SLC38A10: variants seen among roughly 807,000 people sequenced by gnomAD.
SLC38A10 encodes Sodium-coupled neutral amino acid transporter 10.
SLC38A10 carries 53 observed loss-of-function variants against 81.0 expected under a neutral mutation model. The observed-to-expected ratio is 0.65, with a 90% confidence interval of 0.53 to 0.82. The LOEUF is 0.82. Among genes scored for constraint, SLC38A10 ranks in the 40% least tolerant of loss-of-function variants. SLC38A10 has a pLI of 0.00. For missense variants in SLC38A10, 1,471 were observed against 1,545.0 expected, an observed-to-expected ratio of 0.95 and a Z score of 0.80; for synonymous variants, 665 against 655.3, an observed-to-expected ratio of 1.01 and a Z score of -0.23.
At chr17:81,259,762 G>A (rs1275063971) in intron 11 of SLC38A10, among the ~76,000 whole-genome samples, 5 of 152,214 alleles carry the variant, frequency 3.3e-5, no homozygotes, top group African/African-American at 1.2e-4. Flanking sequence ...GAAGCGGCCT[G>A]CAGCTAGCTG....
At chr17:81,271,235 T>C (rs998152730) in intron 9 of SLC38A10, among the ~76,000 whole-genome samples, 2 of 152,190 alleles carry the variant, frequency 1.3e-5, no homozygotes, top group African/African-American at 2.4e-5. Flanking sequence ...CGGGGTGAAT[T>C]CTCTGATGGT....
At chr17:81,290,940 A>G (rs1411884309) in intron 1 of SLC38A10, among the ~76,000 whole-genome samples, 2 of 152,014 alleles carry the variant, frequency 1.3e-5, no homozygotes, top group African/African-American at 2.4e-5. Flanking sequence ...AGGGAGTCAG[A>G]GGTTGCAGTT....
At chr17:81,250,740 G>T in intron 14 of SLC38A10, 1 of 820,170 alleles carries the variant, frequency 1.2e-6, no homozygotes, top group Non-Finnish European at 1.5e-6. Context: ...TGGACCCCTA[G>T]CCTGGGAGAG....
At position 81,253,230 on chromosome 17, in the gene SLC38A10, C is replaced by G. The variant is rs143433253; in HGVS notation, c.1299G>C (p.Pro433=). The G allele has an allele frequency of 1.9e-6, 3 of 1,613,658 alleles. No individual in the cohort carries two copies. Among genetic ancestry groups the G allele is most frequent in the Non-Finnish European group, 2.5e-6 (3 of 1,180,026 alleles). Residue 433 remains proline, a synonymous_variant, in exon 12 of 16, where the codon CCG becomes CCC. Coordinates refer to ENST00000374759, the MANE Select transcript of SLC38A10 (RefSeq NM_001037984.3). This position sits in a 1 kb window ranked among gnomAD's most constrained non-coding sequence, Gnocchi z 4.1. The part of the protein sequence containing the change: ...VEAARLSAQD[P]VVAVAEDGRE... ...GGCCATCCTCAGCCACGGCCACAAC[C>G]GGATCCTGGGCTGGGAGCAGGGCAC...
At position 81,283,852 on chromosome 17, in the gene SLC38A10, C is replaced by T. The variant is rs1354575157; in HGVS notation, c.264-350G>A. Among the ~76,000 whole-genome samples the T allele has an allele frequency of 2.6e-5, 4 of 151,416 alleles. No homozygotes were observed. Among genetic ancestry groups the T allele is most frequent in the Non-Finnish European group, 4.4e-5 (3 of 67,844 alleles). The stretch of plus-strand genomic sequence containing the variant: ...TCTCGATCTCCTGACCTCTGTGATC[C>T]GCCTGCCTCAGCCTCCCAAAGTGCT... On this transcript the variant is annotated intron_variant, in intron 3 of 15. Transcript: ENST00000374759. This position sits in a 1 kb window ranked among gnomAD's most constrained non-coding sequence, Gnocchi z 4.7.
chr17:81,252,079 G>T, intron 13 of SLC38A10, 116 bp downstream of exon 13: 1 of 1,399,206 alleles, frequency 7.1e-7, no homozygotes, highest in Non-Finnish European at 9.5e-7. Flanking sequence ...ATGCTAATCT[G>T]GTGCAGGGAG....
At chr17:81,266,138 C>T (rs1248829872) in intron 10 of SLC38A10, among the ~76,000 whole-genome samples, 1 of 152,206 alleles carries the variant, frequency 6.6e-6, no homozygotes, top group Admixed American at 6.5e-5. Flanking sequence ...GCCGTGGCCA[C>T]AGGTGTGTGA....
At chr17:81,290,963 C>T (rs759090645) in intron 1 of SLC38A10, among the ~76,000 whole-genome samples, 12 of 151,774 alleles carry the variant, frequency 7.9e-5, no homozygotes, top group African/African-American at 1.5e-4. Flanking sequence ...GCCGAGATTG[C>T]GCCACTGCAC....
In SLC38A10 at chr17:81,275,956, C is replaced by T. The variant is rs2063157265; in HGVS notation, c.912+13G>A. On this transcript the variant is annotated intron_variant, in intron 8 of 15. Transcript: ENST00000374759. ...GTGCTATTACGATCCGGAGAGTGCCCCGAGGGTCTTACCTGCTGCTCACAC... is the reference window on the plus strand; with the variant it reads ...GTGCTATTACGATCCGGAGAGTGCCTCGAGGGTCTTACCTGCTGCTCACAC... The T allele has an allele frequency of 1.2e-6, 2 of 1,610,322 alleles. No homozygotes were observed. Among genetic ancestry groups the T allele is most frequent in the Non-Finnish European group, 1.7e-6 (2 of 1,177,792 alleles).
chr17:81,290,989 G>A lies in SLC38A10; in HGVS notation c.100-1181C>T, dbSNP rs563321642. On this transcript the variant is annotated intron_variant, in intron 1 of 15. Coordinates refer to ENST00000374759, the MANE Select transcript of SLC38A10 (RefSeq NM_001037984.3). ...GCCACTGCACTCCAGCCTGGCGACC[G>A]AGCAAGACTCCGCCTCGAGAAAATA... is the stretch of plus-strand genomic sequence containing the variant. Among the ~76,000 whole-genome samples the A allele has an allele frequency of 6.6e-5, 10 of 151,866 alleles. No homozygotes were observed. In the South Asian group the frequency reaches 8.3e-4, roughly 13 times the overall value.
At chr17:81,263,010 G>A (rs2063036826) in intron 10 of SLC38A10, 2 of 152,250 alleles carry the variant, frequency 1.3e-5, no homozygotes, top group Admixed American at 1.3e-4. Flanking sequence ...GACGAGCCTT[G>A]GAAAGGACAC....
At chr17:81,280,418 G>A (rs1209480917) in intron 6 of SLC38A10, among the ~76,000 whole-genome samples, 191 bp downstream of exon 6, 3 of 152,284 alleles carry the variant, frequency 2.0e-5, no homozygotes, top group Admixed American at 6.5e-5. Flanking sequence ...GAATGAAGCC[G>A]ATTTACCTCC....
chr17:81,275,603 G>A (rs1364289751), intron 8 of SLC38A10, among the ~76,000 whole-genome samples: 8 of 150,470 alleles, frequency 5.3e-5, no homozygotes, highest in Non-Finnish European at 8.9e-5. Context: ...ATGGTGGCGC[G>A]CGCCTGTAGT....
intron 2 of SLC38A10, chr17:81,285,101 G>A (rs2063251769): frequency 8.8e-6 from 4 of 456,024 alleles, no homozygotes; most frequent in African/African-American, 4.1e-5. Flanking sequence ...CAAAGACAGA[G>A]CAAGGGAAGG....
Position 81,252,272 on chromosome 17 carries a change from C to T in SLC38A10, c.1868G>A (p.Gly623Glu). ...EQQNGLAVGG[G>E]EKAKGGPPPG... ...CGGCGGTCCCCCCTTGGCCTTTTCC[C>T]CTCCACCCACCGCCAGGCCGTTCTG... Residue 623 changes from glycine to glutamate, a missense_variant, in exon 13 of 16, where the codon GGG (glycine) becomes GAG (glutamate). This residue lies in a region of SLC38A10 where 751 missense variants were observed against 717.4 expected (regional missense o/e 1.05). Coordinates refer to ENST00000374759, the MANE Select transcript of SLC38A10 (RefSeq NM_001037984.3). 6.2e-7 allele frequency: 1 copy of T among 1,605,080 alleles called. No homozygotes were observed. Among genetic ancestry groups the T allele is most frequent in the African/African-American group, 1.3e-5 (1 of 74,766 alleles).
chr17:81,252,964 G>T, intron 12 of SLC38A10, 109 bp downstream of exon 12: 1 of 1,374,846 alleles, frequency 7.3e-7, no homozygotes, highest in South Asian at 1.3e-5. Flanking sequence ...CTGGGCTGAA[G>T]GGAAAAAGAT....
intron 8 of SLC38A10, among the ~76,000 whole-genome samples, chr17:81,274,809 C>T (rs1455595687): frequency 6.6e-6 from 1 of 152,202 alleles, no homozygotes; most frequent in Non-Finnish European, 1.5e-5. Flanking sequence ...CAGGACAGCC[C>T]TCTGGTTTCA....
In SLC38A10 at chr17:81,280,671, G is replaced by A. The variant is rs201335761; in HGVS notation, c.564C>T (p.Tyr188=). Residue 188 remains tyrosine, a synonymous_variant, in exon 6 of 16, where the codon TAC becomes TAT. Transcript: ENST00000374759. ...AGCGGAAGACGCCCTCCCAGCGGAC[G>A]TAGCTGACCCGCCGCAGCCACTGCC... ...FSGQWLRRVS[Y]VRWEGVFRCI... 1.0e-4 allele frequency: 168 copies of A among 1,610,458 alleles called. No individual in the cohort carries two copies. The East Asian group carries it at 2.8e-3, about 27-fold the overall frequency.
At chr17:81,284,764 G>C in intron 3 of SLC38A10, 86 bp downstream of exon 3, 1 of 1,067,410 alleles carries the variant, frequency 9.4e-7, no homozygotes, top group Non-Finnish European at 1.3e-6. Flanking sequence ...GTGAATCTGG[G>C]GATGAAACTG....
Sources: allele counts gnomAD v4.1 joint callset (sites outside exome capture counted in the v4.1 genomes callset), GRCh38; gene constraint gnomAD v4.1.1; regional missense constraint gnomAD v4.1.1; non-coding constraint Gnocchi (gnomAD v3.1); transcripts MANE v1.5; gene names NCBI Gene and HGNC (gene_info 2026-07-23, HGNC 2026-07-21).